CCSER1: variants seen among roughly 807,000 people sequenced by gnomAD.
The protein encoded by CCSER1 is serine-rich coiled-coil domain-containing protein 1.
A neutral mutation model predicts 82.0 loss-of-function variants in CCSER1; 41 were observed. The ratio of observed to expected loss-of-function variants is 0.50; its 90% confidence interval spans 0.39 to 0.65. The LOEUF is 0.65. Among genes scored for constraint, CCSER1 ranks in the 30% least tolerant of loss-of-function variants. The pLI is 0.00. For missense variants in CCSER1, 1,119 were observed against 1,064.2 expected (o/e 1.05, Z -0.72); for synonymous variants, 414 against 383.9 (o/e 1.08, Z -0.92).
chr4:91,341,540 G>T lies in CCSER1; in HGVS notation c.2217+255546G>T, dbSNP rs368462197. Among the ~76,000 whole-genome samples the T allele has an allele frequency of 9.3e-4, 142 of 152,144 alleles. 2 individuals are homozygous for T. The East Asian group carries it at 0.021, about 23-fold the overall frequency. On this transcript the variant is annotated intron_variant, in intron 10 of 10. Transcript: ENST00000509176. The stretch of plus-strand genomic sequence containing the variant: ...TTTAGAATAAAATGATAGTTTTTTG[G>T]TTGTTTGTTTTGTTTTGTTTTTTGT...
chr4:90,418,481 G>A (rs114987007), intron 4 of CCSER1, among the ~76,000 whole-genome samples: 2,709 of 151,942 alleles, frequency 0.018, 48 homozygotes, highest in African/African-American at 0.036. Context: ...AAAATAATGG[G>A]ATAATAAATA....
chr4:91,185,071 G>C (rs1441442776), intron 10 of CCSER1, among the ~76,000 whole-genome samples: 1 of 152,198 alleles, frequency 6.6e-6, no homozygotes, highest in Non-Finnish European at 1.5e-5. Flanking sequence ...CAGTGCTGTA[G>C]AGAAATGATT....
At chr4:90,991,876 A>G (rs533989450) in intron 9 of CCSER1, among the ~76,000 whole-genome samples, 1 of 152,090 alleles carries the variant, frequency 6.6e-6, no homozygotes, top group East Asian at 1.9e-4. Context: ...TTTACCACCT[A>G]CTTACTGCAA....
intron 10 of CCSER1, among the ~76,000 whole-genome samples, chr4:91,305,639 GT>G (rs1745000996): frequency 6.6e-6 from 1 of 150,808 alleles, no homozygotes; most frequent in Non-Finnish European, 1.5e-5. Flanking sequence ...ATTATTTTCT[GT>G]TTTTGTCAGT....
chr4:91,081,463 A>G (rs1269658419), intron 9 of CCSER1, among the ~76,000 whole-genome samples: 1 of 152,210 alleles, frequency 6.6e-6, no homozygotes, highest in Non-Finnish European at 1.5e-5. Flanking sequence ...ATCATACTGA[A>G]TGGGCAAAAA....
At chr4:91,052,842 T>A (rs538592827) in intron 9 of CCSER1, among the ~76,000 whole-genome samples, 3 of 152,156 alleles carry the variant, frequency 2.0e-5, no homozygotes, top group Non-Finnish European at 4.4e-5. Flanking sequence ...TTAAGCTCCT[T>A]AAAAGACCTG....
chr4:91,599,068 G>A lies in CCSER1; in HGVS notation c.*11G>A, dbSNP rs374846974. The A allele has an allele frequency of 1.2e-5, 19 of 1,521,636 alleles. No homozygotes were observed. In the African/African-American group the frequency reaches 1.9e-4, roughly 16 times the overall value. 94.3% of individuals were successfully genotyped at this position (1,521,636 alleles called of 1,614,324 possible). ...CAGCAGGATGGGTAATTAAATCACC[G>A]TATTCCTGTCTTTGGGTAGGATAAA... is the stretch of plus-strand genomic sequence containing the variant. On this transcript the variant is annotated 3_prime_UTR_variant, in exon 11 of 11. Coordinates refer to ENST00000509176, the MANE Select transcript of CCSER1 (RefSeq NM_001145065.2).
At chr4:90,495,669 A>G (rs1282942288) in intron 5 of CCSER1, among the ~76,000 whole-genome samples, 2 of 152,210 alleles carry the variant, frequency 1.3e-5, no homozygotes, top group Non-Finnish European at 2.9e-5. Context: ...TGATTTATAG[A>G]TTATATCATA....
chr4:90,734,037 T>C (rs1476214081), intron 7 of CCSER1, among the ~76,000 whole-genome samples: 25 of 152,008 alleles, frequency 1.6e-4, no homozygotes, highest in Non-Finnish European at 1.5e-5. Context: ...TTATAAATTT[T>C]AGGATTGTTT....
intron 10 of CCSER1, among the ~76,000 whole-genome samples, chr4:91,234,775 G>A (rs2149121458): frequency 6.6e-6 from 1 of 152,126 alleles, no homozygotes; most frequent in South Asian, 2.1e-4. Flanking sequence ...TCTCCCTGGG[G>A]TTCTTCCTTT....
intron 5 of CCSER1, among the ~76,000 whole-genome samples, chr4:90,545,145 A>G (rs1210306495): frequency 6.6e-6 from 1 of 152,098 alleles, no homozygotes; most frequent in Non-Finnish European, 1.5e-5. Flanking sequence ...TTCAAGCTGT[A>G]TTTATTAAAC....
intron 9 of CCSER1, among the ~76,000 whole-genome samples, chr4:91,008,530 T>G (rs1027784404): frequency 6.6e-6 from 1 of 152,222 alleles, no homozygotes; most frequent in African/African-American, 2.4e-5. Context: ...CCGTGCTCTC[T>G]TTTGATTACC....
intron 9 of CCSER1, among the ~76,000 whole-genome samples, chr4:90,977,388 G>A (rs1042184599): frequency 9.3e-5 from 14 of 151,296 alleles, no homozygotes; most frequent in African/African-American, 2.7e-4. Context: ...ATATATATAT[G>A]TATATATACA....
At chr4:91,534,293 T>C (rs948765811) in intron 10 of CCSER1, among the ~76,000 whole-genome samples, 2 of 152,016 alleles carry the variant, frequency 1.3e-5, no homozygotes, top group African/African-American at 4.8e-5. Flanking sequence ...TCACATTGAT[T>C]TTGCTAATTA....
At chr4:90,267,547 C>T (rs76938972) in intron 1 of CCSER1, among the ~76,000 whole-genome samples, 7,385 of 152,224 alleles carry the variant, frequency 0.049, 477 homozygotes, top group African/African-American at 0.15. Context: ...CAGTGCTATT[C>T]TGGCTTCGGG....
intron 10 of CCSER1, among the ~76,000 whole-genome samples, chr4:91,230,036 A>G (rs4693271): frequency 0.064 from 9,780 of 152,190 alleles, 619 homozygotes; most frequent in East Asian, 0.31. Flanking sequence ...CCAAATATTC[A>G]TTCGAGTACT....
chr4:90,745,993 C>T (rs1747393944), intron 7 of CCSER1, among the ~76,000 whole-genome samples: 1 of 152,110 alleles, frequency 6.6e-6, no homozygotes, highest in South Asian at 2.1e-4. Context: ...AGCCACCACG[C>T]CCGGCCTCTT....
intron 9 of CCSER1, among the ~76,000 whole-genome samples, chr4:91,055,281 T>C (rs1297709562): frequency 1.3e-5 from 2 of 152,190 alleles, no homozygotes; most frequent in Non-Finnish European, 2.9e-5. Flanking sequence ...CTTATATCTA[T>C]ATCTTGATCC....
intron 5 of CCSER1, among the ~76,000 whole-genome samples, chr4:90,606,472 T>C (rs918897870): frequency 1.7e-4 from 26 of 152,354 alleles, no homozygotes; most frequent in Admixed American, 6.5e-4. Flanking sequence ...TATAATCTTA[T>C]GGGATCATTG....
Sources: allele counts gnomAD v4.1 joint callset (sites outside exome capture counted in the v4.1 genomes callset), GRCh38; gene constraint gnomAD v4.1.1; transcripts MANE v1.5; gene names NCBI Gene and HGNC (gene_info 2026-07-23, HGNC 2026-07-21).